The following TENM3 variants were observed in gnomAD, a reference collection of about 807,000 sequenced individuals.
TENM3 encodes teneurin transmembrane protein 3.
Under a neutral mutation model 255.1 loss-of-function variants are expected in TENM3, and 63 were observed. The ratio of observed to expected loss-of-function variants is 0.25; its 90% CI spans 0.20 to 0.30. The LOEUF is 0.30. Ranked by LOEUF, TENM3 falls within the 10% of genes least tolerant of loss-of-function variation. The probability of loss-of-function intolerance (pLI) is 1.00; values close to 1 mark genes in which losing one functional copy is unlikely to be tolerated. For synonymous variants in TENM3, 1,306 were observed against 1,322.3 expected, an observed-to-expected ratio of 0.99 and a Z score of 0.27; for missense variants, 2,929 against 3,461.1, an observed-to-expected ratio of 0.85 and a Z score of 3.86.
intron 3 of TENM3, 39 bp from the exon 4 acceptor site, chr4:182,600,885 T>C (rs1747764244): frequency 2.2e-6 from 2 of 926,696 alleles, no homozygotes; most frequent in South Asian, 3.0e-5. Flanking sequence ...ATATATATAA[T>C]GAGTTCTCTT....
intron 3 of TENM3, among the ~76,000 whole-genome samples, chr4:182,434,905 C>G (rs1771938507): frequency 6.6e-6 from 1 of 152,064 alleles, no homozygotes; most frequent in African/African-American, 2.4e-5. Context: ...CACAGCTCAG[C>G]CTGGGGTCTG....
chr4:182,235,757 A>G (rs1756859896), intron 1 of TENM3, among the ~76,000 whole-genome samples: 2 of 152,224 alleles, frequency 1.3e-5, no homozygotes, highest in South Asian at 4.1e-4. Context: ...CCAATGAGAT[A>G]CAAAAACCCT....
At chr4:182,105,106 C>T in the TENM3 span, among the ~76,000 whole-genome samples, 5 of 152,062 alleles carry the variant, frequency 3.3e-5, no homozygotes, top group African/African-American at 4.8e-5. Context: ...CCAGCTACTC[C>T]GGAGGCTGAA....
chr4:182,022,150 C>G, the TENM3 span, among the ~76,000 whole-genome samples: 1 of 143,226 alleles, frequency 7.0e-6, no homozygotes, highest in Non-Finnish European at 1.5e-5. Context: ...AATCTTGGTG[C>G]CCATCAATGG....
intron 22 of TENM3, among the ~76,000 whole-genome samples, chr4:182,762,734 G>A (rs1412535196): frequency 6.6e-6 from 1 of 152,154 alleles, no homozygotes; most frequent in Non-Finnish European, 1.5e-5. Context: ...CAGAACCAGT[G>A]TGGACACTGC....
the TENM3 span, among the ~76,000 whole-genome samples, chr4:181,704,796 G>C: frequency 5.3e-5 from 8 of 152,114 alleles, no homozygotes; most frequent in Non-Finnish European, 1.2e-4. Context: ...ACTTTGGGGG[G>C]CCGAGGCGGG....
At chr4:182,440,096 C>T (rs1306787215) in intron 3 of TENM3, among the ~76,000 whole-genome samples, 1 of 146,884 alleles carries the variant, frequency 6.8e-6, no homozygotes, top group Non-Finnish European at 1.5e-5. Flanking sequence ...CTTCCAGCTG[C>T]AAACTCCTGG....
chr4:181,929,856 G>A, the TENM3 span, among the ~76,000 whole-genome samples: 82,170 of 152,020 alleles, frequency 0.54, 22,710 homozygotes, highest in African/African-American at 0.59. Context: ...TCAAATTAGA[G>A]CTCAGGATTA....
chr4:182,100,596 T>TACACATATATACACACATATATATAC, the TENM3 span, among the ~76,000 whole-genome samples: 1 of 31,834 alleles, frequency 3.1e-5, no homozygotes, highest in African/African-American at 1.4e-4. Flanking sequence ...TACACATATA[T>TACACATATATACACACATATATATAC]ACACATATAT....
chr4:181,979,535 A>G, the TENM3 span, among the ~76,000 whole-genome samples: 1 of 152,212 alleles, frequency 6.6e-6, no homozygotes, highest in Non-Finnish European at 1.5e-5. Flanking sequence ...TGAAACCTTG[A>G]TTCCAGCTAC....
chr4:182,534,689 A>T (rs1196584931), intron 3 of TENM3, among the ~76,000 whole-genome samples: 1 of 152,238 alleles, frequency 6.6e-6, no homozygotes, highest in Non-Finnish European at 1.5e-5. Flanking sequence ...GGATTCAGAG[A>T]AGATAAGCGA....
intron 22 of TENM3, among the ~76,000 whole-genome samples, chr4:182,757,718 A>G (rs1579368921): frequency 6.6e-6 from 1 of 152,246 alleles, no homozygotes; most frequent in East Asian, 1.9e-4. Flanking sequence ...TTTCAGACTT[A>G]GGAATCGGCA....
Position 182,322,813 on chromosome 4 carries a change from A to C in TENM3, c.-75-1133A>C, listed in dbSNP as rs143034951. Among the ~76,000 whole-genome samples the C allele has an allele frequency of 6.0e-3, 920 of 152,282 alleles. 1 individual carries two copies. The highest frequency in any genetic ancestry group is 0.011 in the Admixed American group (168 of 15,296). On this transcript the variant is annotated intron_variant, in intron 1 of 27. Transcript: ENST00000511685. ...TTTTTTTGGAGGTGAAGAAACTACTATCTCAACAGCGGTCACGGCCAAAGG... is the reference window on the plus strand; with the variant it reads ...TTTTTTTGGAGGTGAAGAAACTACTCTCTCAACAGCGGTCACGGCCAAAGG...
the TENM3 span, among the ~76,000 whole-genome samples, chr4:181,873,833 G>A: frequency 3.3e-5 from 5 of 152,018 alleles, no homozygotes; most frequent in Admixed American, 3.3e-4. Flanking sequence ...CACCCAGGCT[G>A]AAGTGCAGTG....
At chr4:182,764,572 G>A (rs932816757) in intron 22 of TENM3, among the ~76,000 whole-genome samples, 4 of 152,184 alleles carry the variant, frequency 2.6e-5, no homozygotes, top group African/African-American at 9.7e-5. Context: ...GTGAATAAAG[G>A]CTACCCAGAA....
chr4:181,815,411 C>T, the TENM3 span, among the ~76,000 whole-genome samples: 1 of 137,158 alleles, frequency 7.3e-6, no homozygotes. Context: ...TGCAGTAAGC[C>T]GAGATCATGC....
chr4:181,919,728 T>A, the TENM3 span, among the ~76,000 whole-genome samples: 1 of 151,996 alleles, frequency 6.6e-6, no homozygotes, highest in South Asian at 2.1e-4. Flanking sequence ...AATTTTTTTT[T>A]AATTTTTATT....
chr4:182,672,526 C>T (rs2152552100), intron 6 of TENM3, among the ~76,000 whole-genome samples: 1 of 152,292 alleles, frequency 6.6e-6, no homozygotes, highest in African/African-American at 2.4e-5. Context: ...TTAGATAGAA[C>T]CACATGAATC....
chr4:182,323,658 G>A (rs139419707), intron 1 of TENM3, among the ~76,000 whole-genome samples: 17 of 152,232 alleles, frequency 1.1e-4, no homozygotes, highest in African/African-American at 4.1e-4. Flanking sequence ...GGCTTCTGTA[G>A]TGAAATTTCA....
Sources: gnomAD v4.1 joint callset for allele counts (sites outside exome capture counted in the v4.1 genomes callset) on GRCh38, gnomAD v4.1.1 for gene constraint, MANE v1.5 for transcripts, NCBI Gene and HGNC (gene_info 2026-07-23, HGNC 2026-07-21) for gene names.